Variants in DLGAP1 observed in about 807,000 individuals in gnomAD.
The protein encoded by DLGAP1 is DLG associated protein 1.
A neutral mutation model predicts 90.8 loss-of-function variants in DLGAP1; 11 were observed. The ratio of observed to expected loss-of-function variants is 0.12; its 90% confidence interval spans 0.08 to 0.20. DLGAP1 has a LOEUF of 0.20. DLGAP1 is among the 10% of genes least tolerant of loss of function. The probability of loss-of-function intolerance (pLI) is 1.00; values close to 1 mark genes in which losing one functional copy is unlikely to be tolerated. For synonymous variants in DLGAP1, 558 were observed against 540.7 expected, an observed-to-expected ratio of 1.03 and a Z score of -0.44; for missense variants, 1,050 against 1,333.8, an observed-to-expected ratio of 0.79 and a Z score of 3.31.
chr18:3,714,555 T>C (rs1314758299), intron 7 of DLGAP1, among the ~76,000 whole-genome samples: 2 of 152,118 alleles, frequency 1.3e-5, no homozygotes, highest in Non-Finnish European at 2.9e-5. Context: ...GCTCATCATC[T>C]TGGGTTGAAA....
At chr18:3,741,210 ACCACCACCACATCAC>A (rs1354376048) in intron 6 of DLGAP1, among the ~76,000 whole-genome samples, 13 of 85,752 alleles carry the variant, frequency 1.5e-4, no homozygotes, top group African/African-American at 6.1e-4. Context: ...AATCACCACC[ACCACCACCACATCAC>A]CATCACCACC....
intron 1 of DLGAP1, among the ~76,000 whole-genome samples, chr18:4,446,119 T>C (rs929116025): frequency 6.6e-6 from 1 of 152,030 alleles, no homozygotes; most frequent in Non-Finnish European, 1.5e-5. Flanking sequence ...TGGTGGAGGC[T>C]GATGCAAGAG....
chr18:3,627,261 A>C (rs977253570), intron 7 of DLGAP1, among the ~76,000 whole-genome samples: 1 of 152,076 alleles, frequency 6.6e-6, no homozygotes, highest in Non-Finnish European at 1.5e-5. Context: ...ATTTTTTGTC[A>C]GTTGTTTCTG....
intron 4 of DLGAP1, among the ~76,000 whole-genome samples, chr18:3,848,241 CCAG>C (rs2069135478): frequency 6.7e-6 from 1 of 149,406 alleles, no homozygotes; most frequent in Admixed American, 6.7e-5. Flanking sequence ...AAGGCTTGTT[CCAG>C]ATGGTACAAT....
In DLGAP1 at chr18:3,729,464, G is replaced by A; in HGVS notation, c.1351-89C>T. ...CATCTGCGAACTTCAATCCCCAGAA[G>A]AAAAAGCAGCGTCTGGTTAGATTAA... On this transcript the variant is annotated intron_variant, in intron 6 of 12. Coordinates refer to ENST00000315677, the MANE Select transcript of DLGAP1 (RefSeq NM_004746.4). The surrounding 1 kb of genome is among the most constrained non-coding windows in gnomAD (Gnocchi z 6.2). 6.6e-7 allele frequency: 1 copy of A among 1,515,176 alleles called. No individual in the cohort carries two copies. Among genetic ancestry groups the A allele is most frequent in the Admixed American group, 2.1e-5 (1 of 48,220 alleles). The allele number at this position is 1,515,176 out of a possible 1,614,324, so 93.9% of individuals were successfully genotyped here. A position where few individuals can be genotyped will look rare whatever the true frequency, so the allele number is the denominator to read the frequency against.
rs760000609 is a variant in DLGAP1 at position 3,879,737 on chromosome 18, A to G, written c.332T>C (p.Leu111Pro). The change falls in exon 4 of 13, where the codon CTG becomes CCG. Residue 111 changes from leucine (L) to proline (P), a missense_variant. Leu to Pro is a moderately conservative substitution (Grantham distance 98, BLOSUM62 -3). This residue lies in a region of DLGAP1 where 485 missense variants were observed against 454.1 expected (regional missense o/e 1.07). Transcript: ENST00000315677. This position sits in a 1 kb window ranked among gnomAD's most constrained non-coding sequence, Gnocchi z 6.6. ...GTGATAGCCATCGCGGCTGAGTGGC[A>G]GCTGCCGCTCGAACTGGTCCAGCAG... The part of the protein sequence containing the change: ...ANLLDQFERQ[L>P]PLSRDGYHTL... The G allele has an allele frequency of 1.9e-6, 3 of 1,607,548 alleles. No individual in the cohort carries two copies. The Admixed American group carries it at 5.0e-5, about 27-fold the overall frequency.
At chr18:4,126,330 C>T (rs561631750) in intron 2 of DLGAP1, among the ~76,000 whole-genome samples, 4 of 152,300 alleles carry the variant, frequency 2.6e-5, no homozygotes, top group East Asian at 3.9e-4. Flanking sequence ...CCAACTCATT[C>T]GCTCAAAATT....
intron 7 of DLGAP1, among the ~76,000 whole-genome samples, chr18:3,634,366 G>C (rs1933398436): frequency 6.6e-6 from 1 of 151,996 alleles, no homozygotes; most frequent in South Asian, 2.1e-4. Flanking sequence ...TGCTATTCAA[G>C]TGAGATCCTT....
At chr18:4,443,995 C>T (rs1290408391) in intron 1 of DLGAP1, among the ~76,000 whole-genome samples, 1 of 152,230 alleles carries the variant, frequency 6.6e-6, no homozygotes. Context: ...ATGTTTTGCA[C>T]ATGTGCTCAG....
intron 1 of DLGAP1, among the ~76,000 whole-genome samples, chr18:4,429,401 T>C (rs934333892): frequency 7.9e-5 from 12 of 152,232 alleles, no homozygotes; most frequent in Non-Finnish European, 1.6e-4. Flanking sequence ...TATGTTTTTC[T>C]CATTCATTTT....
At chr18:3,548,048 T>A (rs2053159909) in intron 9 of DLGAP1, among the ~76,000 whole-genome samples, 1 of 152,080 alleles carries the variant, frequency 6.6e-6, no homozygotes, top group African/African-American at 2.4e-5. Flanking sequence ...AAGAGGCAAG[T>A]CCATAGAGAC....
chr18:3,726,413 G>C (rs929389457), intron 7 of DLGAP1, among the ~76,000 whole-genome samples: 5 of 151,752 alleles, frequency 3.3e-5, no homozygotes, highest in South Asian at 2.1e-4. Context: ...TTGAGATCAT[G>C]TGAGAAAAAG....
At chr18:4,361,811 G>T (rs1275146863) in intron 1 of DLGAP1, among the ~76,000 whole-genome samples, 3 of 151,878 alleles carry the variant, frequency 2.0e-5, no homozygotes, top group Non-Finnish European at 4.4e-5. Context: ...CAAAACAGGA[G>T]AAAAGATTTA....
intron 4 of DLGAP1, among the ~76,000 whole-genome samples, chr18:3,854,648 A>G (rs1471886657): frequency 1.3e-5 from 2 of 152,236 alleles, no homozygotes; most frequent in Admixed American, 1.3e-4. Context: ...ATACACTCAT[A>G]TCTATATAAT....
At chr18:4,324,683 C>T (rs114320194) in intron 1 of DLGAP1, among the ~76,000 whole-genome samples, 270 of 152,228 alleles carry the variant, frequency 1.8e-3, no homozygotes, top group African/African-American at 5.9e-3. Flanking sequence ...ATCAAGTAGG[C>T]TTTACCCCTG....
At chr18:4,013,750 C>T (rs1306537183) in intron 2 of DLGAP1, 1 of 152,104 alleles carries the variant, frequency 6.6e-6, no homozygotes, top group African/African-American at 2.4e-5. Flanking sequence ...AAAAGTTGTC[C>T]ATTTGTGGAT....
intron 9 of DLGAP1, among the ~76,000 whole-genome samples, chr18:3,534,981 C>T (rs1188066818): frequency 2.0e-5 from 3 of 151,834 alleles, no homozygotes; most frequent in Non-Finnish European, 2.9e-5. Context: ...TGTGAGCCAC[C>T]GTGCCTGGCA....
chr18:4,356,020 T>A (rs1379947135), intron 1 of DLGAP1, among the ~76,000 whole-genome samples: 1 of 151,856 alleles, frequency 6.6e-6, no homozygotes, highest in African/African-American at 2.4e-5. Context: ...CAATGACATC[T>A]ATGTTCCTGT....
intron 9 of DLGAP1, among the ~76,000 whole-genome samples, chr18:3,544,081 T>C (rs967238165): frequency 1.3e-5 from 2 of 152,314 alleles, no homozygotes; most frequent in African/African-American, 4.8e-5. Context: ...AATAAGGACT[T>C]TTTTATATAC....
Sources: gnomAD v4.1 joint callset for allele counts (sites outside exome capture counted in the v4.1 genomes callset) on GRCh38, gnomAD v4.1.1 for gene constraint, gnomAD v4.1.1 regional missense constraint, Gnocchi (gnomAD v3.1) non-coding constraint, MANE v1.5 for transcripts, NCBI Gene and HGNC (gene_info 2026-07-23, HGNC 2026-07-21) for gene names.